Variants in TRABD2A observed in about 807,000 individuals in gnomAD.
TRABD2A encodes the protein TraB domain containing 2A.
In TRABD2A, 43 loss-of-function variants were observed where a neutral mutation model predicts 45.6. The ratio of observed to expected loss-of-function variants is 0.94; its 90% CI spans 0.74 to 1.22. TRABD2A has a LOEUF of 1.22. TRABD2A is among the 50% of genes most tolerant of loss of function. The probability of loss-of-function intolerance (pLI) is 0.00; values close to 1 mark genes in which losing one functional copy is unlikely to be tolerated. For synonymous variants in TRABD2A, 269 were observed against 265.0 expected (o/e 1.02, Z -0.15); for missense variants, 642 against 652.4 (o/e 0.98, Z 0.17).
chr2:84,879,338 G>A (rs1683129353), intron 1 of TRABD2A, among the ~76,000 whole-genome samples: 1 of 151,952 alleles, frequency 6.6e-6, no homozygotes. Context: ...ATGTCCCCAC[G>A]CTGGTAATTT....
chr2:84,839,349 A>T (rs1367466973), intron 3 of TRABD2A, 26 bp from the exon 4 acceptor site: 1 of 1,562,928 alleles, frequency 6.4e-7, no homozygotes, highest in African/African-American at 1.4e-5. Flanking sequence ...GAGAAAAAAA[A>T]ATAAGGGGCA....
At chr2:84,860,166 A>G (rs569198539) in intron 2 of TRABD2A, among the ~76,000 whole-genome samples, 1 of 152,070 alleles carries the variant, frequency 6.6e-6, no homozygotes, top group African/African-American at 2.4e-5. Flanking sequence ...ATGATGCAAA[A>G]TCTCCTTCCT....
chr2:84,877,027 A>G (rs1395864852), intron 1 of TRABD2A, among the ~76,000 whole-genome samples: 1 of 152,210 alleles, frequency 6.6e-6, no homozygotes, highest in Admixed American at 6.5e-5. Flanking sequence ...CTTATCTTGT[A>G]CAATTTCTTC....
At position 84,824,189 on chromosome 2, in the gene TRABD2A, CTT is replaced by C. The variant is rs761044328; in HGVS notation, c.1096_1097del (p.Lys366AspfsTer48). 1.4e-5 allele frequency: 23 copies of C among 1,613,726 alleles called. No homozygotes were observed. The Admixed American group carries it at 3.8e-4, about 27-fold the overall frequency. Reference sequence around the variant, plus strand: ...TGGACAGAGTGGGCCGTGTGGAGGTCTTTTTACTCTTCCCTCTGTACGCAAGT... The same window carrying C: ...TGGACAGAGTGGGCCGTGTGGAGGTCTTTACTCTTCCCTCTGTACGCAAGT... The part of the protein sequence containing the change: ...GRPIHKGKSK[K>X]TSTRPTLSTI... On this transcript the variant is annotated frameshift_variant, in exon 6 of 7. Coordinates refer to ENST00000409520, the MANE Select transcript of TRABD2A (RefSeq NM_001277053.2). LOFTEE classifies it high-confidence loss of function.
chr2:84,847,286 T>G (rs1681929992), intron 2 of TRABD2A, among the ~76,000 whole-genome samples: 1 of 152,230 alleles, frequency 6.6e-6, no homozygotes, highest in South Asian at 2.1e-4. Flanking sequence ...CTGATAGAAC[T>G]AATGACTGTC....
At chr2:84,842,726 C>CAA (rs554936599) in intron 2 of TRABD2A, among the ~76,000 whole-genome samples, 24 of 101,394 alleles carry the variant, frequency 2.4e-4, no homozygotes, top group Non-Finnish European at 3.3e-4. Flanking sequence ...GACTCTGTCT[C>CAA]AAAAAAAAAA....
At chr2:84,838,738 A>G (rs951444842) in intron 4 of TRABD2A, among the ~76,000 whole-genome samples, 1 of 152,232 alleles carries the variant, frequency 6.6e-6, no homozygotes, top group African/African-American at 2.4e-5. Context: ...CTAACAGTCA[A>G]TAACAGCTGA....
chr2:84,866,086 T>A (rs2105404529), intron 2 of TRABD2A, among the ~76,000 whole-genome samples: 1 of 152,296 alleles, frequency 6.6e-6, no homozygotes, highest in East Asian at 1.9e-4. Flanking sequence ...CAGACTTCAG[T>A]TAGATTCAGG....
intron 5 of TRABD2A, among the ~76,000 whole-genome samples, chr2:84,829,810 C>T (rs1489419908): frequency 2.0e-5 from 3 of 150,926 alleles, no homozygotes; most frequent in Admixed American, 6.6e-5. Context: ...ACACACCCCT[C>T]ACACACAGGT....
chr2:84,859,693 C>T (rs1341784789), intron 2 of TRABD2A, among the ~76,000 whole-genome samples: 4 of 152,192 alleles, frequency 2.6e-5, no homozygotes, highest in Non-Finnish European at 5.9e-5. Flanking sequence ...CTTGCTTGTG[C>T]ATCAGAAACA....
intron 2 of TRABD2A, among the ~76,000 whole-genome samples, chr2:84,848,337 G>A (rs6730478): frequency 1.6e-5 from 1 of 62,266 alleles, no homozygotes; most frequent in Non-Finnish European, 3.7e-5. Context: ...ATGATAGATA[G>A]ATAGATAGAT....
At chr2:84,836,953 T>C (rs1681532294) in intron 4 of TRABD2A, 1 of 151,744 alleles carries the variant, frequency 6.6e-6, no homozygotes, top group Non-Finnish European at 1.5e-5. Flanking sequence ...TCTCAAACTT[T>C]CCTTTAATTC....
chr2:84,854,071 T>C (rs1403378553), intron 2 of TRABD2A, among the ~76,000 whole-genome samples: 1 of 149,066 alleles, frequency 6.7e-6, no homozygotes, highest in Non-Finnish European at 1.5e-5. Context: ...TATATATTAT[T>C]TATATTTGAA....
At chr2:84,859,360 A>C (rs1682417529) in intron 2 of TRABD2A, among the ~76,000 whole-genome samples, 1 of 152,236 alleles carries the variant, frequency 6.6e-6, no homozygotes. Context: ...TGTGCAAGGC[A>C]CTATGCTAGA....
At chr2:84,863,239 CTTTTT>C (rs773927512) in intron 2 of TRABD2A, among the ~76,000 whole-genome samples, 49 of 98,130 alleles carry the variant, frequency 5.0e-4, no homozygotes, top group Non-Finnish European at 7.2e-4. Flanking sequence ...TCATGTGAAT[CTTTTT>C]TTTTTTTTTT....
At chr2:84,863,735 C>T (rs1267900585) in intron 2 of TRABD2A, among the ~76,000 whole-genome samples, 1 of 151,342 alleles carries the variant, frequency 6.6e-6, no homozygotes, top group Non-Finnish European at 1.5e-5. Context: ...CCTCAGCCTC[C>T]TGAGTAGCTG....
chr2:84,872,580 A>G (rs1162025544), intron 1 of TRABD2A, among the ~76,000 whole-genome samples: 1 of 152,186 alleles, frequency 6.6e-6, no homozygotes, highest in Non-Finnish European at 1.5e-5. Flanking sequence ...TATTTGGAAC[A>G]TATTCCCTTT....
intron 2 of TRABD2A, among the ~76,000 whole-genome samples, chr2:84,861,112 C>G (rs1418812615): frequency 6.6e-6 from 1 of 152,156 alleles, no homozygotes; most frequent in Non-Finnish European, 1.5e-5. Flanking sequence ...GATCGATTTA[C>G]AGGGAGGTGA....
intron 2 of TRABD2A, 96 bp downstream of exon 2, chr2:84,870,129 C>T: frequency 8.0e-7 from 1 of 1,245,904 alleles, no homozygotes; most frequent in Non-Finnish European, 1.1e-6. Context: ...AATTTCTAGA[C>T]AAGCTGTGCC....
Sources: gnomAD v4.1 joint callset for allele counts (sites outside exome capture counted in the v4.1 genomes callset) on GRCh38, gnomAD v4.1.1 for gene constraint, MANE v1.5 for transcripts, NCBI Gene and HGNC (gene_info 2026-07-23, HGNC 2026-07-21) for gene names.